The following PRKCI variants were observed in gnomAD, a reference collection of about 807,000 sequenced individuals.
PRKCI encodes the protein protein kinase C iota type.
Under a neutral mutation model 84.0 loss-of-function variants are expected in PRKCI, and 43 were observed. The observed-to-expected ratio is 0.51, with a 90% CI of 0.40 to 0.66. PRKCI has a LOEUF of 0.66. PRKCI is among the 30% of genes least tolerant of loss of function. The pLI, the probability that PRKCI is intolerant of heterozygous loss-of-function variation, is 0.00. For missense variants in PRKCI, 459 were observed against 745.6 expected (o/e 0.62, Z 4.48); for synonymous variants, 216 against 234.4 (o/e 0.92, Z 0.72).
chr3:170,273,613 G>A (rs890607953), intron 7 of PRKCI, among the ~76,000 whole-genome samples: 1 of 150,574 alleles, frequency 6.6e-6, no homozygotes, highest in Admixed American at 6.6e-5. Flanking sequence ...TCAGGAGTTC[G>A]AGACCAGCCT....
intron 4 of PRKCI, among the ~76,000 whole-genome samples, chr3:170,265,919 C>T (rs1180277494): frequency 6.6e-6 from 1 of 152,108 alleles, no homozygotes; most frequent in African/African-American, 2.4e-5. Flanking sequence ...CCGCGCCCGG[C>T]CTAAACTTTC....
chr3:170,299,002 A>G lies in PRKCI; in HGVS notation c.1595A>G (p.Gln532Arg), dbSNP rs199683302. The change falls in exon 17 of 18, where the codon CAA (glutamine) becomes CGA (arginine). Residue 532 changes from glutamine to arginine, a missense_variant. Gln to Arg is a conservative substitution (Grantham distance 43). Coordinates refer to ENST00000295797, the MANE Select transcript of PRKCI (RefSeq NM_002740.6). ...FRNVDWDMME[Q>R]KQVVPPFKPN... is the part of the protein sequence containing the mutation. ...TCCAGTATGTCTTTTCAGATGGAGC[A>G]AAAACAGGTGGTACCTCCCTTTAAA... is the stretch of plus-strand genomic sequence containing the variant. 3.1e-6 allele frequency: 5 copies of G among 1,610,250 alleles called. No homozygotes were observed. Among genetic ancestry groups the G allele is most frequent in the Non-Finnish European group, 4.2e-6 (5 of 1,177,870 alleles).
At chr3:170,271,452 A>G (rs1316370412) in intron 6 of PRKCI, among the ~76,000 whole-genome samples, 1 of 152,232 alleles carries the variant, frequency 6.6e-6, no homozygotes, top group Admixed American at 6.5e-5. Context: ...AAGTGTTCTC[A>G]TAAATATTAT....
At chr3:170,298,022 G>C (rs1280608255) in intron 16 of PRKCI, among the ~76,000 whole-genome samples, 1 of 150,912 alleles carries the variant, frequency 6.6e-6, no homozygotes. Context: ...ACAGGCACAC[G>C]CCACCACGCC....
At chr3:170,270,372 G>A (rs1189471006) in intron 5 of PRKCI, 49 bp from the exon 6 acceptor site, 1 of 1,519,654 alleles carries the variant, frequency 6.6e-7, no homozygotes, top group Admixed American at 1.8e-5. Flanking sequence ...TTTGGGAAAT[G>A]GTTATGACCT....
chr3:170,277,076 A>C (rs1271375704), intron 8 of PRKCI, among the ~76,000 whole-genome samples: 1 of 135,858 alleles, frequency 7.4e-6, no homozygotes, highest in Non-Finnish European at 1.6e-5. Flanking sequence ...CCCCATGTCT[A>C]CTAAAAATAC....
At chr3:170,241,892 C>T (rs1035950720) in intron 2 of PRKCI, among the ~76,000 whole-genome samples, 1 of 152,178 alleles carries the variant, frequency 6.6e-6, no homozygotes, top group African/African-American at 2.4e-5. Flanking sequence ...CTTGGGGAGG[C>T]TGAGGCAGGA....
At position 170,263,440 on chromosome 3, in the gene PRKCI, A is replaced by G. The variant is rs759883603; in HGVS notation, c.364+11A>G. The G allele has an allele frequency of 1.9e-6, 3 of 1,567,996 alleles. No homozygotes were observed. Among genetic ancestry groups the G allele is most frequent in the South Asian group, 1.1e-5 (1 of 89,968 alleles). ...GTCCAGGAGAAGATAGTGAGTGTTT[A>G]TATACTTCATACCTTTTACAAGAGT... On this transcript the variant is annotated intron_variant, in intron 4 of 17. Transcript: ENST00000295797.
chr3:170,246,924 GT>G (rs900982993), intron 2 of PRKCI, among the ~76,000 whole-genome samples: 6 of 152,028 alleles, frequency 3.9e-5, no homozygotes, highest in Non-Finnish European at 1.5e-5. Flanking sequence ...AAAGATGATT[GT>G]GATTGGTAAA....
At chr3:170,252,799 C>G (rs1309767868) in intron 2 of PRKCI, among the ~76,000 whole-genome samples, 1 of 151,936 alleles carries the variant, frequency 6.6e-6, no homozygotes, top group Non-Finnish European at 1.5e-5. Context: ...CACTGTGTTG[C>G]CCGGGGTGGT....
At chr3:170,259,326 A>G (rs1733665902) in intron 2 of PRKCI, among the ~76,000 whole-genome samples, 1 of 151,502 alleles carries the variant, frequency 6.6e-6, no homozygotes, top group Admixed American at 6.6e-5. Context: ...AGCCGTGATC[A>G]TGTCACTGCA....
At position 170,257,502 on chromosome 3, in the gene PRKCI, T is replaced by C. The variant is rs189398401; in HGVS notation, c.224-2467T>C. On this transcript the variant is annotated intron_variant, in intron 2 of 17. Coordinates refer to ENST00000295797, the MANE Select transcript of PRKCI (RefSeq NM_002740.6). ...TTCATTATAAAAGATTACAAACTTA[T>C]GATTTTTAAAATATTAAAGAGAAGT... is the stretch of plus-strand genomic sequence containing the variant. Among the ~76,000 whole-genome samples the C allele has an allele frequency of 4.2e-3, 638 of 152,244 alleles. 1 individual carries two copies. Among genetic ancestry groups the C allele is most frequent in the African/African-American group, 0.014 (576 of 41,524 alleles).
chr3:170,244,113 T>C (rs545220485), intron 2 of PRKCI, among the ~76,000 whole-genome samples: 2 of 152,166 alleles, frequency 1.3e-5, no homozygotes, highest in African/African-American at 2.4e-5. Context: ...TCCCATGAGA[T>C]CCTGAGTAAT....
Position 170,262,966 on chromosome 3 carries a change from C to G in PRKCI, c.314-413C>G, listed in dbSNP as rs558944613. Among the ~76,000 whole-genome samples, 45 of 151,190 alleles carry G rather than the reference C, an allele frequency of 3.0e-4. 1 individual carries two copies. The East Asian group carries it at 8.4e-3, about 28-fold the overall frequency. Reference sequence around the variant, plus strand: ...CAGGCGGATCATGAGGTCAGGAGATCGAGACCATCCTGGCTAACACGGTGA... The same window carrying G: ...CAGGCGGATCATGAGGTCAGGAGATGGAGACCATCCTGGCTAACACGGTGA... On this transcript the variant is annotated intron_variant, in intron 3 of 17. Coordinates refer to ENST00000295797, the MANE Select transcript of PRKCI (RefSeq NM_002740.6).
intron 2 of PRKCI, among the ~76,000 whole-genome samples, chr3:170,243,283 T>C (rs542380443): frequency 6.3e-4 from 96 of 152,308 alleles, no homozygotes; most frequent in Admixed American, 1.5e-3. Context: ...TTGCATTTTT[T>C]AGAATTTTAT....
At chr3:170,276,652 G>T (rs1734123141) in intron 8 of PRKCI, among the ~76,000 whole-genome samples, 1 of 151,970 alleles carries the variant, frequency 6.6e-6, no homozygotes, top group African/African-American at 2.4e-5. Context: ...GTGGAATAAA[G>T]ATTTAAATGT....
chr3:170,294,485 A>G (rs939999912), intron 14 of PRKCI, among the ~76,000 whole-genome samples: 2 of 152,362 alleles, frequency 1.3e-5, no homozygotes, highest in Non-Finnish European at 2.9e-5. Flanking sequence ...ACCATTTCAT[A>G]TCGGTACATT....
At chr3:170,255,575 A>G (rs1733565304) in intron 2 of PRKCI, among the ~76,000 whole-genome samples, 1 of 152,190 alleles carries the variant, frequency 6.6e-6, no homozygotes, top group African/African-American at 2.4e-5. Flanking sequence ...GGTTTTTCCA[A>G]ATATATAAGA....
chr3:170,271,116 T>C (rs1470837460), intron 6 of PRKCI, among the ~76,000 whole-genome samples: 1 of 152,178 alleles, frequency 6.6e-6, no homozygotes, highest in Non-Finnish European at 1.5e-5. Flanking sequence ...TAAAGGTAAT[T>C]GTCATTTGGT....
Sources: allele counts gnomAD v4.1 joint callset (sites outside exome capture counted in the v4.1 genomes callset), GRCh38; gene constraint gnomAD v4.1.1; transcripts MANE v1.5; gene names NCBI Gene and HGNC (gene_info 2026-07-23, HGNC 2026-07-21).